Variants in PIK3R2 observed in about 807,000 individuals in gnomAD.
PIK3R2 encodes phosphoinositide-3-kinase regulatory subunit 2, also known as phosphatidylinositol 3-kinase regulatory subunit beta.
Under a neutral mutation model 78.5 loss-of-function variants are expected in PIK3R2, and 40 were observed. That is an observed-to-expected ratio of 0.51 (90% confidence interval 0.40 to 0.66). The LOEUF is 0.66. Ranked by LOEUF, PIK3R2 falls within the 30% of genes least tolerant of loss-of-function variation. PIK3R2 has a pLI of 0.00. For missense variants in PIK3R2, 880 were observed against 1,026.6 expected, an observed-to-expected ratio of 0.86 and a Z score of 1.95; for synonymous variants, 473 against 457.7, an observed-to-expected ratio of 1.03 and a Z score of -0.43.
At position 18,168,715 on chromosome 19, in the gene PIK3R2, C is replaced by G; in HGVS notation, c.1809-11C>G. 1 of 1,608,864 alleles carries G rather than the reference C, an allele frequency of 6.2e-7. No individual in the cohort carries two copies. The highest frequency in any genetic ancestry group is 8.5e-7 in the Non-Finnish European group (1 of 1,176,048). On this transcript the variant is annotated splice_polypyrimidine_tract_variant and intron_variant, in intron 14 of 15. Coordinates refer to ENST00000222254, the MANE Select transcript of PIK3R2 (RefSeq NM_005027.4). This position sits in a 1 kb window ranked among gnomAD's most constrained non-coding sequence, Gnocchi z 4.1. ...GACCAGGGCCCTCCCCGCCACCGCC[C>G]CCCACCCCAGCCAGTACGCACTCAT...
Position 18,162,982 on chromosome 19 carries a change from T to C in PIK3R2, c.1125T>C (p.Asn375=). The C allele has an allele frequency of 6.2e-7, 1 of 1,612,944 alleles. No individual in the cohort carries two copies. The highest frequency in any genetic ancestry group is 8.5e-7 in the Non-Finnish European group (1 of 1,179,688). Residue 375 remains asparagine, a synonymous_variant, in exon 10 of 16, where the codon AAT becomes AAC. Coordinates refer to ENST00000222254, the MANE Select transcript of PIK3R2 (RefSeq NM_005027.4). ...CCTCCCCCAGGAAAGGCGGGAACAA[T>C]AAGCTGATCAAGGTCTTCCACCGAG... ...YTLTLRKGGN[N]KLIKVFHRDG... is the part of the protein sequence containing the mutation.
chr19:18,160,771 C>A, intron 3 of PIK3R2, 148 bp from the exon 4 acceptor site: 2 of 1,006,722 alleles, frequency 2.0e-6, no homozygotes, highest in Non-Finnish European at 3.0e-6. Flanking sequence ...ATGTGCTGTG[C>A]CCTCTCCCAG....
intron 2 of PIK3R2, among the ~76,000 whole-genome samples, chr19:18,160,030 TCC>T (rs1406105171): frequency 6.6e-6 from 1 of 152,170 alleles, no homozygotes; most frequent in Non-Finnish European, 1.5e-5. Context: ...TGAGCCGCCA[TCC>T]TGGCCGGCTT....
chr19:18,153,718 C>T (rs1397502583), intron 1 of PIK3R2, among the ~76,000 whole-genome samples: 1 of 152,168 alleles, frequency 6.6e-6, no homozygotes, highest in Non-Finnish European at 1.5e-5. Context: ...TCTGTGTGAG[C>T]GCTCAGGCCC....
chr19:18,169,307 C>G lies in PIK3R2; in HGVS notation c.*13C>G, dbSNP rs977626744. ...TGCCGCCCGCTGAGCACCGAGGACC[C>G]GCCCCAAGCAGAGCCGCCCCTGGGC... On this transcript the variant is annotated 3_prime_UTR_variant, in exon 16 of 16. Transcript: ENST00000222254. The G allele has an allele frequency of 4.8e-5, 68 of 1,411,996 alleles. No homozygotes were observed. Among genetic ancestry groups the G allele is most frequent in the Non-Finnish European group, 6.0e-5 (65 of 1,090,326 alleles). The allele number at this position is 1,411,996 out of a possible 1,614,324, so 87.5% of individuals were successfully genotyped here.
At position 18,161,312 on chromosome 19, in the gene PIK3R2, C is replaced by T; in HGVS notation, c.632C>T (p.Pro211Leu). Residue 211 changes from proline (P) to leucine (L), a missense_variant, in exon 6 of 16, where the codon CCA (proline) becomes CTA (leucine). Pro to Leu is a moderately conservative substitution (Grantham distance 98). This residue lies in a region of PIK3R2 where 456 missense variants were observed against 486.6 expected (regional missense o/e 0.94). Transcript: ENST00000222254. This position sits in a 1 kb window ranked among gnomAD's most constrained non-coding sequence, Gnocchi z 5.3. ...AAGPVGPALE[P>L]PTLPLHRALT... ...GGGCCCGTGGGGCCGGCGCTGGAGC[C>T]ACCGACGCTGCCGCTGCACCGCGCG... 1 of 1,354,974 alleles carries T rather than the reference C, an allele frequency of 7.4e-7. No homozygotes were observed. The highest frequency in any genetic ancestry group is 9.4e-7 in the Non-Finnish European group (1 of 1,059,862). 83.9% of individuals were successfully genotyped at this position (1,354,974 alleles called of 1,614,324 possible).
intron 1 of PIK3R2, among the ~76,000 whole-genome samples, chr19:18,154,610 G>T (rs554121719): frequency 5.0e-4 from 76 of 152,202 alleles, no homozygotes; most frequent in African/African-American, 1.6e-3. Context: ...GGCCTCCATT[G>T]CGTCCTCCCT....
chr19:18,163,471 G>A (rs1032012666), intron 11 of PIK3R2, 83 bp downstream of exon 11: 3 of 1,473,800 alleles, frequency 2.0e-6, no homozygotes, highest in Admixed American at 3.6e-5. Context: ...AACCCCAGAG[G>A]ACTTGAGGAT....
Position 18,168,327 on chromosome 19 carries a change from C to T in PIK3R2, c.1737-148C>T. On this transcript the variant is annotated intron_variant, in intron 13 of 15. Coordinates refer to ENST00000222254, the MANE Select transcript of PIK3R2 (RefSeq NM_005027.4). The surrounding 1 kb of genome is among the most constrained non-coding windows in gnomAD (Gnocchi z 4.1). The stretch of plus-strand genomic sequence containing the variant: ...ACCCTGGGTTCAGGCTGCCCTGAGC[C>T]AGGTCAGCTCTGCCCTCTTGTGGCA... 1.6e-6 allele frequency: 1 copy of T among 632,186 alleles called. No homozygotes were observed. The highest frequency in any genetic ancestry group is 1.8e-5 in the South Asian group (1 of 55,200). 39.2% of individuals were successfully genotyped at this position (632,186 alleles called of 1,614,324 possible).
intron 1 of PIK3R2, among the ~76,000 whole-genome samples, chr19:18,155,051 T>C (rs2043662671): frequency 6.6e-6 from 1 of 151,808 alleles, no homozygotes; most frequent in Admixed American, 6.6e-5. Context: ...TCGTCTCTAC[T>C]AAAAATACAA....
chr19:18,153,609 G>T (rs1273882591), intron 1 of PIK3R2, among the ~76,000 whole-genome samples: 2 of 152,216 alleles, frequency 1.3e-5, no homozygotes, highest in African/African-American at 4.8e-5. Flanking sequence ...GGGCGCCCAG[G>T]CATTGTGCGG....
In PIK3R2 at chr19:18,162,450, C is replaced by T. The variant is rs2043759782; in HGVS notation, c.1053C>T (p.Thr351=). ...AACTCCGGGACACTCCCGATGGCAC[C>T]TTCCTAGTCCGAGATGCTTCTAGCA... ...NEKLRDTPDG[T]FLVRDASSKI... is the part of the protein sequence containing the mutation. The change falls in exon 9 of 16, where the codon ACC becomes ACT. Residue 351 remains threonine, a synonymous_variant. Coordinates refer to ENST00000222254, the MANE Select transcript of PIK3R2 (RefSeq NM_005027.4). 6.2e-7 allele frequency: 1 copy of T among 1,613,460 alleles called. No homozygotes were observed. Among genetic ancestry groups the T allele is most frequent in the Non-Finnish European group, 8.5e-7 (1 of 1,180,006 alleles).
rs1272462219 is a variant in PIK3R2, at chr19:18,156,941, A to G, written c.322+740A>G. Among the ~76,000 whole-genome samples, 1 of 152,140 alleles carries G rather than the reference A, an allele frequency of 6.6e-6. No individual in the cohort carries two copies. The highest frequency in any genetic ancestry group is 1.5e-5 in the Non-Finnish European group (1 of 68,030). On this transcript the variant is annotated intron_variant, in intron 2 of 15. Coordinates refer to ENST00000222254, the MANE Select transcript of PIK3R2 (RefSeq NM_005027.4). This position sits in a 1 kb window ranked among gnomAD's most constrained non-coding sequence, Gnocchi z 4.2. ...GGAAACTGTGGCCCAGGTTGCAAGGAGGAGGCTAAGAGGTGCTGCATGCTC... is the reference window on the plus strand; with the variant it reads ...GGAAACTGTGGCCCAGGTTGCAAGGGGGAGGCTAAGAGGTGCTGCATGCTC...
rs1184576899 is a variant in PIK3R2, at chr19:18,161,307, G to A, written c.627G>A (p.Leu209=). 6 of 1,359,898 alleles carry A rather than the reference G, an allele frequency of 4.4e-6. No individual in the cohort carries two copies. Among genetic ancestry groups the A allele is most frequent in the Non-Finnish European group, 4.7e-6 (5 of 1,063,000 alleles). 84.2% of individuals were successfully genotyped at this position (1,359,898 alleles called of 1,614,324 possible). ...REAAGPVGPA[L]EPPTLPLHRA... ...CCGCGGGGCCCGTGGGGCCGGCGCT[G>A]GAGCCACCGACGCTGCCGCTGCACC... Residue 209 remains leucine, a synonymous_variant, in exon 6 of 16, where the codon CTG becomes CTA. Transcript: ENST00000222254. The surrounding 1 kb of genome is among the most constrained non-coding windows in gnomAD (Gnocchi z 5.3).
rs1340175659 is a variant in PIK3R2, at chr19:18,169,476, CCT to C, written c.*185_*186del. ...TTCCCTCCCCCATTCTCCAGATCTCCCTCTGTCTCCTTTTCTCTGTCTTTCTT... is the reference window on the plus strand; with the variant it reads ...TTCCCTCCCCCATTCTCCAGATCTCCCTGTCTCCTTTTCTCTGTCTTTCTT... On this transcript the variant is annotated 3_prime_UTR_variant, in exon 16 of 16. Transcript: ENST00000222254. 2 of 357,884 alleles carry C rather than the reference CCT, an allele frequency of 5.6e-6. No individual in the cohort carries two copies. Among genetic ancestry groups the C allele is most frequent in the African/African-American group, 2.2e-5 (1 of 46,238 alleles). 22.2% of individuals were successfully genotyped at this position (357,884 alleles called of 1,614,324 possible).
At chr19:18,160,837 A>T in intron 3 of PIK3R2, 82 bp from the exon 4 acceptor site, 1 of 1,479,580 alleles carries the variant, frequency 6.8e-7, no homozygotes, top group Non-Finnish European at 9.2e-7. Context: ...GGGAGACTGC[A>T]GGGGGGTTGA....
At position 18,168,577 on chromosome 19, in the gene PIK3R2, G is replaced by T. The variant is rs747777273; in HGVS notation, c.1808+31G>T. On this transcript the variant is annotated intron_variant, in intron 14 of 15. Transcript: ENST00000222254. The surrounding 1 kb of genome is among the most constrained non-coding windows in gnomAD (Gnocchi z 4.1). Reference sequence around the variant, plus strand: ...TGACCGTCTGGAGGGAGGCAGGGAGGGCTTCCCAGAGGAGGGGGCCATTTG... The same window carrying T: ...TGACCGTCTGGAGGGAGGCAGGGAGTGCTTCCCAGAGGAGGGGGCCATTTG... The T allele has an allele frequency of 2.5e-6, 2 of 787,236 alleles. No homozygotes were observed. Among genetic ancestry groups the T allele is most frequent in the Non-Finnish European group, 4.7e-6 (2 of 425,490 alleles). The allele number at this position is 787,236 out of a possible 1,614,324, so 48.8% of individuals were successfully genotyped here. A position where few individuals can be genotyped will look rare whatever the true frequency, so the allele number is the denominator to read the frequency against.
At chr19:18,166,388 G>GCCA in intron 12 of PIK3R2, 86 bp downstream of exon 12, 1 of 1,154,450 alleles carries the variant, frequency 8.7e-7, no homozygotes, top group East Asian at 2.4e-5. Flanking sequence ...AAGGAGGCCA[G>GCCA]CCACTTGGAG....
chr19:18,164,275 C>T (rs2043784300), intron 11 of PIK3R2, among the ~76,000 whole-genome samples: 1 of 152,076 alleles, frequency 6.6e-6, no homozygotes. Context: ...TCCGGCTGGC[C>T]CTCAGTTTTC....
Sources: gnomAD v4.1 joint callset for allele counts (sites outside exome capture counted in the v4.1 genomes callset) on GRCh38, gnomAD v4.1.1 for gene constraint, gnomAD v4.1.1 regional missense constraint, Gnocchi (gnomAD v3.1) non-coding constraint, MANE v1.5 for transcripts, NCBI Gene and HGNC (gene_info 2026-07-23, HGNC 2026-07-21) for gene names.